Variants in OR5H14 observed in about 807,000 individuals in gnomAD.
OR5H14 encodes olfactory receptor 5H14.
For synonymous variants in OR5H14, 155 were observed against 130.6 expected (o/e 1.19, Z -1.28); for missense variants, 392 against 363.9 (o/e 1.08, Z -0.63).
At chr3:98,147,599 A>T (rs1164695657) in intron 1 of OR5H14, 45 bp downstream of exon 1, 1 of 152,078 alleles carries the variant, frequency 6.6e-6, no homozygotes, top group African/African-American at 2.4e-5. Flanking sequence ...GCTTTATAGA[A>T]ATGTTGAAAT....
rs901989861 is a variant in OR5H14, at chr3:98,156,596, C to G, written c.*6278C>G. The G allele has an allele frequency of 8.5e-5, 13 of 152,068 alleles. No individual in the cohort carries two copies. The highest frequency in any genetic ancestry group is 3.1e-4 in the African/African-American group (13 of 41,436). The allele number at this position is 152,068 out of a possible 1,614,324, so 9.4% of individuals were successfully genotyped here. On this transcript the variant is annotated 3_prime_UTR_variant, in exon 2 of 2. Transcript: ENST00000641380. ...TTCATTGTGATTGTTATATAGGATACTTTTCTGATGGTTGTGATGTAGTTT... is the reference window on the plus strand; with the variant it reads ...TTCATTGTGATTGTTATATAGGATAGTTTTCTGATGGTTGTGATGTAGTTT...
Position 98,154,479 on chromosome 3 carries a change from C to T in OR5H14, c.*4161C>T, listed in dbSNP as rs540714455. On this transcript the variant is annotated 3_prime_UTR_variant, in exon 2 of 2. Transcript: ENST00000641380. ...GGGACAAGGATATTTTTCCCTATTGCTCTCAGCCCAGATTTTGACCAAGGT... is the reference window on the plus strand; with the variant it reads ...GGGACAAGGATATTTTTCCCTATTGTTCTCAGCCCAGATTTTGACCAAGGT... 3 of 152,242 alleles carry T rather than the reference C, an allele frequency of 2.0e-5. No homozygotes were observed. The highest frequency in any genetic ancestry group is 4.4e-5 in the Non-Finnish European group (3 of 68,052). 9.4% of individuals were successfully genotyped at this position (152,242 alleles called of 1,614,324 possible).
rs545465596 is a variant in OR5H14, at chr3:98,150,102, CA to C, written c.718del (p.Thr240ProfsTer33). ...TCAAAGGTATGAGAAAAGCCTTCTC[CA>C]CCTGTGGAGCTCATCTCTTATCTGT... Reference protein sequence around the residue: ...SVKGMRKAFSTCGAHLLSVSL... With the variant: ...SVKGMRKAFSXCGAHLLSVSL... On this transcript the variant is annotated frameshift_variant, in exon 2 of 2. Coordinates refer to ENST00000641380, the MANE Select transcript of OR5H14 (RefSeq NM_001005514.2). LOFTEE classifies it low-confidence loss of function (END_TRUNC). The C allele has an allele frequency of 3.2e-4, 516 of 1,610,326 alleles. 5 individuals carry two copies. The South Asian group carries it at 4.5e-3, about 14-fold the overall frequency.
chr3:98,155,022 A>T lies in OR5H14; in HGVS notation c.*4704A>T, dbSNP rs9830493. The T allele has an allele frequency of 0.37, 55,220 of 151,206 alleles. 8,487 individuals are homozygous for T. The highest frequency in any genetic ancestry group is 0.4 in the Non-Finnish European group (26,901 of 67,820). The allele number at this position is 151,206 out of a possible 1,614,324, so 9.4% of individuals were successfully genotyped here. A position where few individuals can be genotyped will look rare whatever the true frequency, so the allele number is the denominator to read the frequency against. On this transcript the variant is annotated 3_prime_UTR_variant, in exon 2 of 2. Transcript: ENST00000641380. ...TAATATTCCTATTGTGAAATCTAAG[A>T]TTGGTGTTCAAGGTATTTTGTAGAT...
In OR5H14 at chr3:98,149,761, A is replaced by G; in HGVS notation, c.376A>G (p.Ile126Val). ...AATGGCATATGATCGCTATGTAGCC[A>G]TATGCAAACCCTTACTTTATCCAGC... ...ATMAYDRYVA[I>V]CKPLLYPAIM... The change falls in exon 2 of 2, where the codon ATA becomes GTA. Residue 126 changes from isoleucine (I) to valine (V), a missense_variant. Coordinates refer to ENST00000641380, the MANE Select transcript of OR5H14 (RefSeq NM_001005514.2). 2.5e-6 allele frequency: 4 copies of G among 1,612,856 alleles called. No individual in the cohort carries two copies. The highest frequency in any genetic ancestry group is 3.4e-6 in the Non-Finnish European group (4 of 1,179,644).
chr3:98,149,587 T>A lies in OR5H14; in HGVS notation c.202T>A (p.Phe68Ile). 1 of 1,613,568 alleles carries A rather than the reference T, an allele frequency of 6.2e-7. No homozygotes were observed. Among genetic ancestry groups the A allele is most frequent in the Non-Finnish European group, 8.5e-7 (1 of 1,179,604 alleles). ...GTACTTACTCCTTGGGAATTTAGCT[T>A]TTGTGGATGCTTTGTTATCATCCTC... The part of the protein sequence containing the change: ...PMYLLLGNLA[F>I]VDALLSSSVT... Residue 68 changes from phenylalanine to isoleucine, a missense_variant, in exon 2 of 2, where the codon TTT (phenylalanine) becomes ATT (isoleucine). By Grantham distance (21) the Phe-to-Ile change is conservative. Coordinates refer to ENST00000641380, the MANE Select transcript of OR5H14 (RefSeq NM_001005514.2).
At chr3:98,148,593 C>T (rs887446474) in intron 1 of OR5H14, among the ~76,000 whole-genome samples, 1 of 151,968 alleles carries the variant, frequency 6.6e-6, no homozygotes, top group Non-Finnish European at 1.5e-5. Context: ...CACTTCTTCC[C>T]CACCAAATAT....
chr3:98,149,888 T>C lies in OR5H14; in HGVS notation c.503T>C (p.Phe168Ser). The C allele has an allele frequency of 6.2e-7, 1 of 1,613,294 alleles. No homozygotes were observed. The highest frequency in any genetic ancestry group is 8.5e-7 in the Non-Finnish European group (1 of 1,179,762). Residue 168 changes from phenylalanine to serine, a missense_variant, in exon 2 of 2, where the codon TTC becomes TCC. Physicochemically the swap from Phe to Ser is radical, Grantham distance 155. Coordinates refer to ENST00000641380, the MANE Select transcript of OR5H14 (RefSeq NM_001005514.2). Reference protein sequence around the residue: ...IHEGFLFRLTFCNSNIIQHFY... With the variant: ...IHEGFLFRLTSCNSNIIQHFY... ...GAAGGATTTTTATTCAGACTAACCT[T>C]CTGTAACTCCAACATAATACAACAC... is the stretch of plus-strand genomic sequence containing the variant.
In OR5H14 at chr3:98,150,924, G is replaced by A. The variant is rs1046687677; in HGVS notation, c.*606G>A. 1 of 152,176 alleles carries A rather than the reference G, an allele frequency of 6.6e-6. No individual in the cohort carries two copies. Among genetic ancestry groups the A allele is most frequent in the Non-Finnish European group, 1.5e-5 (1 of 68,060 alleles). 9.4% of individuals were successfully genotyped at this position (152,176 alleles called of 1,614,324 possible). A position where few individuals can be genotyped will look rare whatever the true frequency, so the allele number is the denominator to read the frequency against. ...ACTGCCAATGTGCAAGAGGGCAAGA[G>A]GATGCTGTTAACTCTCTGTGCTTGT... On this transcript the variant is annotated 3_prime_UTR_variant, in exon 2 of 2. Coordinates refer to ENST00000641380, the MANE Select transcript of OR5H14 (RefSeq NM_001005514.2).
chr3:98,154,432 A>G lies in OR5H14; in HGVS notation c.*4114A>G, dbSNP rs1708555333. ...CCTGGAAGAATTCTAAATTCCACAG[A>G]AAATGTCTGGCACTTTTGTTTGGGA... is the stretch of plus-strand genomic sequence containing the variant. On this transcript the variant is annotated 3_prime_UTR_variant, in exon 2 of 2. Coordinates refer to ENST00000641380, the MANE Select transcript of OR5H14 (RefSeq NM_001005514.2). 6.6e-6 allele frequency: 1 copy of G among 152,248 alleles called. No homozygotes were observed. Among genetic ancestry groups the G allele is most frequent in the African/African-American group, 2.4e-5 (1 of 41,474 alleles). The allele number at this position is 152,248 out of a possible 1,614,324, so 9.4% of individuals were successfully genotyped here.
Position 98,153,600 on chromosome 3 carries a change from T to C in OR5H14, c.*3282T>C, listed in dbSNP as rs950464221. The stretch of plus-strand genomic sequence containing the variant: ...ACTGTCTCAGAAAAAGAAAAGAAAG[T>C]TAGTGGTTATAGCAATCTATAAACT... On this transcript the variant is annotated 3_prime_UTR_variant, in exon 2 of 2. Transcript: ENST00000641380. 6.6e-6 allele frequency: 1 copy of C among 152,008 alleles called. No individual in the cohort carries two copies. Among genetic ancestry groups the C allele is most frequent in the African/African-American group, 2.4e-5 (1 of 41,406 alleles). 9.4% of individuals were successfully genotyped at this position (152,008 alleles called of 1,614,324 possible).
Position 98,149,509 on chromosome 3 carries a change from A to G in OR5H14, c.124A>G (p.Asn42Asp). ...LVIYLITIMGNLGLIAVIWKD... is the reference protein window; with the variant it reads ...LVIYLITIMGDLGLIAVIWKD... ...AATATATCTCATCACCATCATGGGG[A>G]ATCTTGGTCTGATTGCTGTCATCTG... Residue 42 changes from asparagine to aspartate, a missense_variant, in exon 2 of 2, where the codon AAT becomes GAT. By Grantham distance (23) the Asn-to-Asp change is conservative. Transcript: ENST00000641380. 1 of 1,613,432 alleles carries G rather than the reference A, an allele frequency of 6.2e-7. No individual in the cohort carries two copies. The highest frequency in any genetic ancestry group is 8.5e-7 in the Non-Finnish European group (1 of 1,179,568).
At position 98,150,129 on chromosome 3, in the gene OR5H14, A is replaced by G. The variant is rs963673544; in HGVS notation, c.744A>G (p.Val248=). 3.1e-6 allele frequency: 5 copies of G among 1,610,462 alleles called. No individual in the cohort carries two copies. Among genetic ancestry groups the G allele is most frequent in the Admixed American group, 1.7e-5 (1 of 59,290 alleles). The stretch of plus-strand genomic sequence containing the variant: ...CCTGTGGAGCTCATCTCTTATCTGT[A>G]TCTTTATACTATGGGCCCCTCGCCT... ...FSTCGAHLLS[V]SLYYGPLAFM... Residue 248 remains valine (V), a synonymous_variant, in exon 2 of 2, where the codon GTA becomes GTG. Coordinates refer to ENST00000641380, the MANE Select transcript of OR5H14 (RefSeq NM_001005514.2).
Position 98,152,130 on chromosome 3 carries a change from C to T in OR5H14, c.*1812C>T, listed in dbSNP as rs193012497. ...ATCTCACGCCAGTTAGAATGGCAAT[C>T]ATTAGAAAGTCAGGAAATGTTAGAT... On this transcript the variant is annotated 3_prime_UTR_variant, in exon 2 of 2. Coordinates refer to ENST00000641380, the MANE Select transcript of OR5H14 (RefSeq NM_001005514.2). The T allele has an allele frequency of 1.3e-5, 2 of 152,186 alleles. No individual in the cohort carries two copies. Among genetic ancestry groups the T allele is most frequent in the East Asian group, 3.9e-4 (2 of 5,162 alleles). The allele number at this position is 152,186 out of a possible 1,614,324, so 9.4% of individuals were successfully genotyped here.
Position 98,150,199 on chromosome 3 carries a change from A to T in OR5H14, c.814A>T (p.Met272Leu). ...ATCCCCACAGGCTGATGACCAAGAT[A>T]TGATGGAGTCTCTATTTTACACTGT... is the stretch of plus-strand genomic sequence containing the variant. The part of the protein sequence containing the change: ...SASPQADDQD[M>L]MESLFYTVIV... The change falls in exon 2 of 2, where the codon ATG becomes TTG. Residue 272 changes from methionine to leucine, a missense_variant. Coordinates refer to ENST00000641380, the MANE Select transcript of OR5H14 (RefSeq NM_001005514.2). 1 of 1,613,056 alleles carries T rather than the reference A, an allele frequency of 6.2e-7. No individual in the cohort carries two copies. Among genetic ancestry groups the T allele is most frequent in the East Asian group, 2.2e-5 (1 of 44,758 alleles).
Position 98,156,246 on chromosome 3 carries a change from G to T in OR5H14, c.*5928G>T, listed in dbSNP as rs1010497550. Reference sequence around the variant, plus strand: ...TTTAGAAAGCCTAATACTTTTAAAGGATCTCCATAATTTCTTATGATATTA... The same window carrying T: ...TTTAGAAAGCCTAATACTTTTAAAGTATCTCCATAATTTCTTATGATATTA... On this transcript the variant is annotated 3_prime_UTR_variant, in exon 2 of 2. Transcript: ENST00000641380. 1 of 151,982 alleles carries T rather than the reference G, an allele frequency of 6.6e-6. No individual in the cohort carries two copies. The highest frequency in any genetic ancestry group is 2.4e-5 in the African/African-American group (1 of 41,402). 9.4% of individuals were successfully genotyped at this position (151,982 alleles called of 1,614,324 possible). A position where few individuals can be genotyped will look rare whatever the true frequency, so the allele number is the denominator to read the frequency against.
In OR5H14 at chr3:98,151,622, T is replaced by C. The variant is rs1265606846; in HGVS notation, c.*1304T>C. 1.3e-5 allele frequency: 2 copies of C among 152,190 alleles called. No homozygotes were observed. The highest frequency in any genetic ancestry group is 2.9e-5 in the Non-Finnish European group (2 of 68,032). The allele number at this position is 152,190 out of a possible 1,614,324, so 9.4% of individuals were successfully genotyped here. A position where few individuals can be genotyped will look rare whatever the true frequency, so the allele number is the denominator to read the frequency against. On this transcript the variant is annotated 3_prime_UTR_variant, in exon 2 of 2. Coordinates refer to ENST00000641380, the MANE Select transcript of OR5H14 (RefSeq NM_001005514.2). ...TTGGATCATCATTGCTACCTGATTA[T>C]ACGTACATGTGTTTTAGGTGTCAAT...
Position 98,150,554 on chromosome 3 carries a change from A to G in OR5H14, c.*236A>G. On this transcript the variant is annotated 3_prime_UTR_variant, in exon 2 of 2. Transcript: ENST00000641380. ...GAATAATGATAGCAGAAGCAAATAA[A>G]AATATTGTACAGTATGGTATGTTAA... 1 of 353,838 alleles carries G rather than the reference A, an allele frequency of 2.8e-6. No homozygotes were observed. Among genetic ancestry groups the G allele is most frequent in the Non-Finnish European group, 5.1e-6 (1 of 196,190 alleles). The allele number at this position is 353,838 out of a possible 1,614,324, so 21.9% of individuals were successfully genotyped here.
chr3:98,148,747 T>A (rs1048793525), intron 1 of OR5H14, among the ~76,000 whole-genome samples: 2 of 152,048 alleles, frequency 1.3e-5, no homozygotes, highest in Non-Finnish European at 2.9e-5. Context: ...AAATACAGAT[T>A]TCTAGAACTC....
Sources: gnomAD v4.1 joint callset for allele counts (sites outside exome capture counted in the v4.1 genomes callset) on GRCh38, gnomAD v4.1.1 for gene constraint, MANE v1.5 for transcripts, NCBI Gene and HGNC (gene_info 2026-07-23, HGNC 2026-07-21) for gene names.